The following AGBL4 variants were observed in gnomAD, a reference collection of about 807,000 sequenced individuals.
AGBL4 encodes cytosolic carboxypeptidase 6.
A neutral mutation model predicts 66.4 loss-of-function variants in AGBL4; 58 were observed. The observed-to-expected ratio is 0.87, with a 90% CI of 0.71 to 1.09. The LOEUF is 1.09. Among genes scored for constraint, AGBL4 ranks in the 50% least tolerant of loss-of-function variants. The probability of loss-of-function intolerance (pLI) is 0.00; values close to 1 mark genes in which losing one functional copy is unlikely to be tolerated. For missense variants in AGBL4, 579 were observed against 631.0 expected, an observed-to-expected ratio of 0.92 and a Z score of 0.88; for synonymous variants, 234 against 222.9, an observed-to-expected ratio of 1.05 and a Z score of -0.44.
chr1:48,595,207 A>G (rs1164129123), intron 9 of AGBL4, among the ~76,000 whole-genome samples: 1 of 152,164 alleles, frequency 6.6e-6, no homozygotes, highest in Non-Finnish European at 1.5e-5. Context: ...CACTTACTAC[A>G]TGAGATGATA....
chr1:48,894,357 A>T (rs1179283879), intron 5 of AGBL4, among the ~76,000 whole-genome samples: 1 of 152,208 alleles, frequency 6.6e-6, no homozygotes, highest in Non-Finnish European at 1.5e-5. Flanking sequence ...AATTTTCTCA[A>T]GTACACACAG....
chr1:49,485,034 G>A (rs528948733), intron 3 of AGBL4, among the ~76,000 whole-genome samples: 1 of 151,734 alleles, frequency 6.6e-6, no homozygotes, highest in African/African-American at 2.4e-5. Context: ...TCAACCATTG[G>A]GGAAGTCAGT....
At chr1:49,371,254 TAC>T (rs1491398750) in intron 3 of AGBL4, among the ~76,000 whole-genome samples, 9 of 125,738 alleles carry the variant, frequency 7.2e-5, no homozygotes. Context: ...GATAGATACA[TAC>T]ATACATACAT....
At chr1:48,991,011 T>C (rs1660563761) in intron 5 of AGBL4, among the ~76,000 whole-genome samples, 1 of 151,576 alleles carries the variant, frequency 6.6e-6, no homozygotes, top group South Asian at 2.1e-4. Context: ...CACACCACAA[T>C]TACAATGTTA....
At position 49,999,496 on chromosome 1, in the gene AGBL4, C is replaced by T. The variant is rs1340191128; in HGVS notation, c.34+24267G>A. ...CATAGAATCAATACTGCAAAACTGA[C>T]CATAGTGCCAAAAACTATCTACAAA... On this transcript the variant is annotated intron_variant, in intron 1 of 13. Transcript: ENST00000371839. Among the ~76,000 whole-genome samples the T allele has an allele frequency of 2.0e-5, 3 of 152,190 alleles. No homozygotes were observed. The East Asian group carries it at 5.8e-4, about 29-fold the overall frequency.
intron 5 of AGBL4, among the ~76,000 whole-genome samples, chr1:49,025,823 C>T (rs116290731): frequency 0.012 from 1,857 of 152,060 alleles, 37 homozygotes; most frequent in African/African-American, 0.043. Flanking sequence ...GTGGAGTTTC[C>T]GGATTTATTA....
At chr1:49,139,392 T>A (rs920268216) in intron 4 of AGBL4, among the ~76,000 whole-genome samples, 6 of 152,132 alleles carry the variant, frequency 3.9e-5, no homozygotes, top group African/African-American at 1.4e-4. Flanking sequence ...CATCTACCAA[T>A]CCATTCATCC....
At chr1:49,892,516 A>T (rs1432613183) in intron 1 of AGBL4, among the ~76,000 whole-genome samples, 2 of 152,116 alleles carry the variant, frequency 1.3e-5, no homozygotes, top group Non-Finnish European at 1.5e-5. Context: ...CTTTTCATAC[A>T]TACCTGACCT....
intron 11 of AGBL4, among the ~76,000 whole-genome samples, chr1:48,548,872 T>A (rs1569734439): frequency 6.6e-6 from 1 of 152,362 alleles, no homozygotes; most frequent in Non-Finnish European, 1.5e-5. Flanking sequence ...CAAGGAGGAT[T>A]GAAACCCATT....
intron 3 of AGBL4, among the ~76,000 whole-genome samples, chr1:49,693,976 G>A (rs779235190): frequency 2.0e-5 from 3 of 151,998 alleles, no homozygotes; most frequent in Non-Finnish European, 4.4e-5. Flanking sequence ...TACTTTTACG[G>A]GTTAATATAT....
At chr1:48,681,159 C>G (rs1163994350) in intron 6 of AGBL4, among the ~76,000 whole-genome samples, 2 of 152,170 alleles carry the variant, frequency 1.3e-5, no homozygotes, top group African/African-American at 2.4e-5. Flanking sequence ...TACTATCTGG[C>G]CTTGGGCAAA....
Position 49,506,092 on chromosome 1 carries a change from C to T in AGBL4, c.282+191221G>A, listed in dbSNP as rs545904378. Among the ~76,000 whole-genome samples the T allele has an allele frequency of 2.6e-5, 4 of 151,790 alleles. No homozygotes were observed. The South Asian group carries it at 8.3e-4, about 32-fold the overall frequency. The stretch of plus-strand genomic sequence containing the variant: ...TAATATTGTATCTCTCTCAGGGAAA[C>T]AATAAGAAAAAGCTGATTTAGTGTA... On this transcript the variant is annotated intron_variant, in intron 3 of 13. Transcript: ENST00000371839.
chr1:49,711,221 T>C (rs1054629313), intron 2 of AGBL4, among the ~76,000 whole-genome samples: 2 of 152,112 alleles, frequency 1.3e-5, no homozygotes, highest in Non-Finnish European at 2.9e-5. Flanking sequence ...ACCAATTATA[T>C]GACCTAGCTG....
At chr1:49,770,155 G>A (rs1476464434) in intron 2 of AGBL4, among the ~76,000 whole-genome samples, 1 of 152,160 alleles carries the variant, frequency 6.6e-6, no homozygotes, top group East Asian at 1.9e-4. Flanking sequence ...CTAACATGGT[G>A]AAACCCCATC....
intron 2 of AGBL4, among the ~76,000 whole-genome samples, chr1:49,850,696 T>C (rs1467733989): frequency 6.6e-6 from 1 of 152,130 alleles, no homozygotes; most frequent in East Asian, 1.9e-4. Flanking sequence ...ATACACATAC[T>C]TATGCACACA....
chr1:48,659,911 G>A (rs1394414493), intron 7 of AGBL4, among the ~76,000 whole-genome samples: 1 of 152,226 alleles, frequency 6.6e-6, no homozygotes, highest in Admixed American at 6.5e-5. Context: ...TCACAACAAC[G>A]CTGTGAGGCA....
intron 4 of AGBL4, among the ~76,000 whole-genome samples, chr1:49,097,070 G>A (rs937119421): frequency 5.9e-5 from 9 of 152,172 alleles, no homozygotes; most frequent in African/African-American, 1.9e-4. Flanking sequence ...CTTCAGAATT[G>A]TAAGAGAATA....
At chr1:49,947,602 A>G (rs1406273049) in intron 1 of AGBL4, among the ~76,000 whole-genome samples, 1 of 151,834 alleles carries the variant, frequency 6.6e-6, no homozygotes, top group Non-Finnish European at 1.5e-5. Context: ...GAATTGGGAA[A>G]AGTTGAAAGC....
chr1:48,560,179 A>G (rs967765218), intron 11 of AGBL4, among the ~76,000 whole-genome samples: 1 of 152,146 alleles, frequency 6.6e-6, no homozygotes, highest in Admixed American at 6.5e-5. Context: ...CTTTTTCACT[A>G]TGACCTCAAG....
Sources: gnomAD v4.1 joint callset for allele counts (sites outside exome capture counted in the v4.1 genomes callset) on GRCh38, gnomAD v4.1.1 for gene constraint, MANE v1.5 for transcripts, NCBI Gene and HGNC (gene_info 2026-07-23, HGNC 2026-07-21) for gene names.